The following CDH23 variants were observed in gnomAD, a reference collection of about 807,000 sequenced individuals.
CDH23 encodes the protein cadherin related 23.
A neutral mutation model predicts 317.1 loss-of-function variants in CDH23; 189 were observed. That is an observed-to-expected ratio of 0.60 (90% confidence interval 0.53 to 0.67). The LOEUF (loss-of-function observed/expected upper bound fraction) is 0.67. Ranked by LOEUF, CDH23 falls within the 30% of genes least tolerant of loss-of-function variation. The pLI, the probability that CDH23 is intolerant of heterozygous loss-of-function variation, is 0.00. For synonymous variants in CDH23, 1,839 were observed against 1,876.8 expected, an observed-to-expected ratio of 0.98 and a Z score of 0.52; for missense variants, 4,401 against 4,592.4, an observed-to-expected ratio of 0.96 and a Z score of 1.20.
At chr10:71,669,051 T>A (rs1267807765) in intron 14 of CDH23, among the ~76,000 whole-genome samples, 2 of 152,156 alleles carry the variant, frequency 1.3e-5, no homozygotes, top group Admixed American at 6.5e-5. Context: ...GGCTGCACCC[T>A]CTCCCCCACA....
chr10:71,697,219 T>A (rs1183109342), intron 22 of CDH23, among the ~76,000 whole-genome samples: 4 of 152,334 alleles, frequency 2.6e-5, no homozygotes, highest in Non-Finnish European at 5.9e-5. Flanking sequence ...TCACCAGGTC[T>A]CCTGCCCTCC....
intron 3 of CDH23, among the ~76,000 whole-genome samples, chr10:71,483,623 C>T (rs1423862706): frequency 2.0e-5 from 3 of 152,190 alleles, no homozygotes; most frequent in Admixed American, 1.3e-4. Context: ...GGAGAAGCTC[C>T]TCACCCTTTC....
rs1020516254 is a variant in CDH23 at position 71,779,282 on chromosome 10, A to T, written c.5203A>T (p.Asn1735Tyr). The change falls in exon 41 of 70, where the codon AAT (asparagine) becomes TAT (tyrosine). Residue 1735 changes from asparagine to tyrosine, a missense_variant. Asn to Tyr is a moderately radical substitution (Grantham distance 143, BLOSUM62 -2). Around this residue, in one of 3 missense-constraint regions of CDH23, gnomAD observed 3,068 missense variants for 3,203.3 expected, o/e 0.96. Transcript: ENST00000224721. The part of the protein sequence containing the change: ...TSTTTVLVNV[N>Y]DINDNVPTFP... ...ACCATCTCAGGTGCTTGTGAATGTG[A>T]ATGACATCAACGACAATGTGCCTAC... 2 of 1,613,998 alleles carry T rather than the reference A, an allele frequency of 1.2e-6. No homozygotes were observed. Among genetic ancestry groups the T allele is most frequent in the Non-Finnish European group, 1.7e-6 (2 of 1,179,876 alleles).
chr10:71,665,347 T>C (rs541552085), intron 14 of CDH23, among the ~76,000 whole-genome samples: 1 of 152,304 alleles, frequency 6.6e-6, no homozygotes, highest in Non-Finnish European at 1.5e-5. Context: ...CCACTACCCC[T>C]GTGTGACTGC....
chr10:71,517,337 C>T (rs1184183363), intron 6 of CDH23, among the ~76,000 whole-genome samples: 5 of 152,180 alleles, frequency 3.3e-5, no homozygotes, highest in Non-Finnish European at 5.9e-5. Context: ...CCCACTAGTT[C>T]CTGGATCTCA....
Position 71,695,540 on chromosome 10 carries a change from A to T in CDH23, c.2397+15A>T. On this transcript the variant is annotated intron_variant, in intron 22 of 69. Transcript: ENST00000224721. Reference sequence around the variant, plus strand: ...ATGTGACCACGGTAGGTGGTGGCAGAGCAGCAGAACTGCCAGGCGGCCCTT... The same window carrying T: ...ATGTGACCACGGTAGGTGGTGGCAGTGCAGCAGAACTGCCAGGCGGCCCTT... 1 of 1,580,990 alleles carries T rather than the reference A, an allele frequency of 6.3e-7. No individual in the cohort carries two copies. The highest frequency in any genetic ancestry group is 8.7e-7 in the Non-Finnish European group (1 of 1,149,780).
intron 3 of CDH23, among the ~76,000 whole-genome samples, chr10:71,480,437 C>A (rs1009884224): frequency 1.3e-5 from 2 of 152,238 alleles, no homozygotes; most frequent in Non-Finnish European, 1.5e-5. Flanking sequence ...CATCAGCCAA[C>A]CCATCTCGAA....
Position 71,434,761 on chromosome 10 carries a change from G to A in CDH23, c.-5-5066G>A, listed in dbSNP as rs115865358. Among the ~76,000 whole-genome samples the A allele has an allele frequency of 6.5e-3, 991 of 152,284 alleles. 14 individuals carry two copies. Among genetic ancestry groups the A allele is most frequent in the African/African-American group, 0.022 (929 of 41,540 alleles). The stretch of plus-strand genomic sequence containing the variant: ...AACCTTGAGGGGAAGGTGGTGGAGG[G>A]AAGCAGTAGCGGGTGAGGAGGGGGG... On this transcript the variant is annotated intron_variant, in intron 1 of 69. Coordinates refer to ENST00000224721, the MANE Select transcript of CDH23 (RefSeq NM_022124.6).
intron 44 of CDH23, 31 bp from the exon 45 acceptor site, chr10:71,788,909 C>A: frequency 8.8e-7 from 1 of 1,136,754 alleles, no homozygotes; most frequent in Non-Finnish European, 1.3e-6. Context: ...CTGAGCATGG[C>A]CTACAACGTG....
chr10:71,656,661 C>A (rs575831260), intron 14 of CDH23, among the ~76,000 whole-genome samples: 1 of 152,268 alleles, frequency 6.6e-6, no homozygotes, highest in Admixed American at 6.5e-5. Flanking sequence ...GAGGACAGGC[C>A]TCTCCTGGAA....
At chr10:71,631,467 T>C (rs1862012219) in intron 11 of CDH23, among the ~76,000 whole-genome samples, 1 of 151,574 alleles carries the variant, frequency 6.6e-6, no homozygotes, top group Non-Finnish European at 1.5e-5. Flanking sequence ...AAGGAGGGAG[T>C]GGAGTGTGCA....
At chr10:71,534,535 C>A (rs563779810) in intron 6 of CDH23, among the ~76,000 whole-genome samples, 5 of 152,172 alleles carry the variant, frequency 3.3e-5, no homozygotes, top group Non-Finnish European at 7.4e-5. Context: ...CTTGAAATAC[C>A]TTTCATTCCT....
At chr10:71,784,791 C>T (rs1466122906) in intron 42 of CDH23, 100 bp from the exon 43 acceptor site, 4 of 868,832 alleles carry the variant, frequency 4.6e-6, no homozygotes, top group Non-Finnish European at 7.7e-6. Context: ...ACTGCACCCT[C>T]CCTCCCTCCA....
At position 71,732,129 on chromosome 10, in the gene CDH23, T is replaced by C; in HGVS notation, c.3858T>C (p.Thr1286=). 6.2e-7 allele frequency: 1 copy of C among 1,614,026 alleles called. No individual in the cohort carries two copies. The highest frequency in any genetic ancestry group is 8.5e-7 in the Non-Finnish European group (1 of 1,179,888). Reference sequence around the variant, plus strand: ...GCTACATGATGAATGTGTCGGCCACTGACCAGGCCCCGCCCTTCAACCAGG... The same window carrying C: ...GCTACATGATGAATGTGTCGGCCACCGACCAGGCCCCGCCCTTCAACCAGG... ...KTSYMMNVSA[T]DQAPPFNQGF... is the part of the protein sequence containing the mutation. Residue 1286 remains threonine (T), a synonymous_variant, in exon 32 of 70, where the codon ACT becomes ACC. Transcript: ENST00000224721.
intron 3 of CDH23, among the ~76,000 whole-genome samples, chr10:71,460,411 G>T (rs1429850767): frequency 6.6e-6 from 1 of 152,250 alleles, no homozygotes; most frequent in Non-Finnish European, 1.5e-5. Context: ...TTGGCAGCAG[G>T]ACTGTGTGCG....
chr10:71,695,500 C>G lies in CDH23; in HGVS notation c.2372C>G (p.Thr791Ser), dbSNP rs1222389445. 2 of 1,613,112 alleles carry G rather than the reference C, an allele frequency of 1.2e-6. No individual in the cohort carries two copies. Among genetic ancestry groups the G allele is most frequent in the African/African-American group, 2.7e-5 (2 of 74,928 alleles). The change falls in exon 22 of 70, where the codon ACC becomes AGC. Residue 791 changes from threonine to serine, a missense_variant. By Grantham distance (58) the Thr-to-Ser change is moderately conservative. Transcript: ENST00000224721. Reference protein sequence around the residue: ...APYYINLVEMTPPDSDVTTVV... With the variant: ...APYYINLVEMSPPDSDVTTVV... ...TACTACATCAACCTGGTGGAGATGA[C>G]CCCTCCAGACTCTGATGTGACCACG...
chr10:71,722,866 G>C (rs533769914), intron 28 of CDH23, among the ~76,000 whole-genome samples: 3 of 152,346 alleles, frequency 2.0e-5, no homozygotes, highest in East Asian at 3.9e-4. Context: ...CAGTTAAGAG[G>C]AGAGAGTGGT....
intron 19 of CDH23, among the ~76,000 whole-genome samples, chr10:71,688,675 G>A (rs1447300167): frequency 7.2e-6 from 1 of 138,664 alleles, no homozygotes; most frequent in African/African-American, 2.7e-5. Context: ...GTGGAGTCAG[G>A]GGTGGTGGAG....
Position 71,687,742 on chromosome 10 carries a change from G to T in CDH23, c.2059+23G>T, listed in dbSNP as rs181522339. On this transcript the variant is annotated intron_variant, in intron 19 of 69. Transcript: ENST00000224721. Reference sequence around the variant, plus strand: ...CAGGTACAGGCTCAGGTCGGGGGGTGGGGGGCACATGGAGGTAGGCAGCCA... The same window carrying T: ...CAGGTACAGGCTCAGGTCGGGGGGTTGGGGGCACATGGAGGTAGGCAGCCA... 731 of 1,609,600 alleles carry T rather than the reference G, an allele frequency of 4.5e-4. 4 individuals are homozygous for T. The African/African-American group carries it at 9.0e-3, about 20-fold the overall frequency.
Sources: allele counts gnomAD v4.1 joint callset (sites outside exome capture counted in the v4.1 genomes callset), GRCh38; gene constraint gnomAD v4.1.1; regional missense constraint gnomAD v4.1.1; transcripts MANE v1.5; gene names NCBI Gene and HGNC (gene_info 2026-07-23, HGNC 2026-07-21).